Variants in STRADA observed in about 807,000 individuals in gnomAD.
STRADA encodes STE20-related kinase adapter protein alpha.
Under a neutral mutation model 55.0 loss-of-function variants are expected in STRADA, and 26 were observed. That is an observed-to-expected ratio of 0.47 (90% confidence interval 0.35 to 0.66). STRADA has a LOEUF of 0.66. Among genes scored for constraint, STRADA ranks in the 30% least tolerant of loss-of-function variants. The pLI, the probability that STRADA is intolerant of heterozygous loss-of-function variation, is 0.01. For missense variants in STRADA, 443 were observed against 549.7 expected (o/e 0.81, Z 1.94); for synonymous variants, 197 against 210.9 (o/e 0.93, Z 0.57).
At chr17:63,710,384 G>A in intron 8 of STRADA, 107 bp downstream of exon 8, 1 of 1,529,602 alleles carries the variant, frequency 6.5e-7, no homozygotes, top group Non-Finnish European at 8.9e-7. Context: ...CCAGATCCTT[G>A]ATTTTAAACT....
At chr17:63,717,425 A>G (rs1298800121) in intron 4 of STRADA, among the ~76,000 whole-genome samples, 1 of 152,098 alleles carries the variant, frequency 6.6e-6, no homozygotes, top group Non-Finnish European at 1.5e-5. Flanking sequence ...CTCCTGCCTC[A>G]GCCTTATAAG....
At chr17:63,709,853 T>C (rs992024725) in intron 8 of STRADA, among the ~76,000 whole-genome samples, 1 of 152,064 alleles carries the variant, frequency 6.6e-6, no homozygotes, top group African/African-American at 2.4e-5. Context: ...TAAGACTGAC[T>C]CTGGGGCACA....
chr17:63,707,525 T>A, intron 8 of STRADA, 107 bp from the exon 9 acceptor site: 1 of 960,850 alleles, frequency 1.0e-6, no homozygotes, highest in Non-Finnish European at 1.6e-6. Flanking sequence ...GTGCGTGTGT[T>A]ATACACGTAT....
chr17:63,721,112 G>A (rs2037283143), intron 4 of STRADA, among the ~76,000 whole-genome samples: 1 of 151,394 alleles, frequency 6.6e-6, no homozygotes, highest in Non-Finnish European at 1.5e-5. Context: ...GGTGGCTCAC[G>A]CCTGTAATCC....
chr17:63,707,174 C>A, intron 9 of STRADA, 73 bp downstream of exon 9: 1 of 1,581,284 alleles, frequency 6.3e-7, no homozygotes. Context: ...GCCCCCGACT[C>A]CAGGCAATGC....
chr17:63,729,012 A>G (rs937818114), intron 1 of STRADA, among the ~76,000 whole-genome samples: 4 of 152,028 alleles, frequency 2.6e-5, no homozygotes, highest in African/African-American at 9.7e-5. Flanking sequence ...CCCAGAAGCA[A>G]TTACCTTCAG....
At position 63,710,763 on chromosome 17, in the gene STRADA, T is replaced by C. The variant is rs534359584; in HGVS notation, c.422A>G (p.Asn141Ser). The change falls in exon 7 of 13, where the codon AAT (asparagine) becomes AGT (serine). Residue 141 changes from asparagine (N) to serine (S), a missense_variant. Transcript: ENST00000336174. ...GAATGATGTGACAACCCACAGCTCA[T>C]TGTCTGCAATAAAAGTGGCTCGATA... Reference protein sequence around the residue: ...VPYRATFIADNELWVVTSFMA... With the variant: ...VPYRATFIADSELWVVTSFMA... 10 of 1,614,212 alleles carry C rather than the reference T, an allele frequency of 6.2e-6. No homozygotes were observed. The highest frequency in any genetic ancestry group is 3.3e-4 in the Middle Eastern group (2 of 6,062).
intron 1 of STRADA, among the ~76,000 whole-genome samples, chr17:63,731,044 A>T (rs2038007793): frequency 1.3e-5 from 2 of 151,836 alleles, no homozygotes; most frequent in Middle Eastern, 3.2e-3. Context: ...CCCAGGTTCC[A>T]GCGATTCTCC....
At chr17:63,710,996 C>T in intron 6 of STRADA, 160 bp from the exon 7 acceptor site, 3 of 639,362 alleles carry the variant, frequency 4.7e-6, no homozygotes, top group South Asian at 3.9e-5. Flanking sequence ...ATAGGAAAAA[C>T]AAGGCCCTGC....
intron 10 of STRADA, chr17:63,705,826 C>T (rs2036050722): frequency 6.6e-6 from 1 of 152,430 alleles, no homozygotes; most frequent in South Asian, 2.1e-4. Flanking sequence ...CCTAGTTCCT[C>T]CTCCACACAG....
Position 63,723,410 on chromosome 17 carries a change from GACT to G in STRADA, c.95-87_95-85del, listed in dbSNP as rs1598222778. 5.2e-6 allele frequency: 8 copies of G among 1,530,450 alleles called. No homozygotes were observed. In the East Asian group the frequency reaches 1.8e-4, roughly 35 times the overall value. The allele number at this position is 1,530,450 out of a possible 1,614,324, so 94.8% of individuals were successfully genotyped here. On this transcript the variant is annotated intron_variant, in intron 3 of 12. Coordinates refer to ENST00000336174, the MANE Select transcript of STRADA (RefSeq NM_001003787.4). Reference sequence around the variant, plus strand: ...TCAGAACAGCAATTATTGTACTTAGGACTACATTTATTAATAGAAACCACTTAA... The same window carrying G: ...TCAGAACAGCAATTATTGTACTTAGGACATTTATTAATAGAAACCACTTAA...
chr17:63,704,321 GC>G lies in STRADA; in HGVS notation c.1100+19del, dbSNP rs1330801215. On this transcript the variant is annotated intron_variant, in intron 11 of 12. Coordinates refer to ENST00000336174, the MANE Select transcript of STRADA (RefSeq NM_001003787.4). ...CACCCTCTGCTCTCCCGAAGCCCAG[GC>G]CCAGGCCAGCAGGGATACCTGGCAT... is the stretch of plus-strand genomic sequence containing the variant. 6.2e-7 allele frequency: 1 copy of G among 1,611,020 alleles called. No homozygotes were observed. The highest frequency in any genetic ancestry group is 8.5e-7 in the Non-Finnish European group (1 of 1,179,358).
intron 1 of STRADA, among the ~76,000 whole-genome samples, chr17:63,740,184 A>ACACACAC (rs2038838617): frequency 7.1e-6 from 1 of 141,556 alleles, no homozygotes; most frequent in African/African-American, 2.7e-5. Flanking sequence ...ACACACACAC[A>ACACACAC]ACAAAGCAAT....
At chr17:63,724,576 TC>T (rs1032780071) in intron 3 of STRADA, among the ~76,000 whole-genome samples, 1 of 151,940 alleles carries the variant, frequency 6.6e-6, no homozygotes, top group African/African-American at 2.4e-5. Flanking sequence ...ATGCTGACTA[TC>T]TTTTTTTTGT....
rs2035830651 is a variant in STRADA, at chr17:63,703,026, A to G, written c.*573T>C. On this transcript the variant is annotated 3_prime_UTR_variant, in exon 13 of 13. Transcript: ENST00000336174. ...CACACATAAACCGTGGGAAAGACTT[A>G]GGTGTCAGGGCCCAAGCCAGAAGAG... 1 of 153,630 alleles carries G rather than the reference A, an allele frequency of 6.5e-6. No homozygotes were observed. Among genetic ancestry groups the G allele is most frequent in the Non-Finnish European group, 1.5e-5 (1 of 68,852 alleles). The allele number at this position is 153,630 out of a possible 1,614,324, so 9.5% of individuals were successfully genotyped here. A position where few individuals can be genotyped will look rare whatever the true frequency, so the allele number is the denominator to read the frequency against.
chr17:63,707,048 C>T (rs961241932), intron 9 of STRADA, among the ~76,000 whole-genome samples, 199 bp downstream of exon 9: 4 of 152,194 alleles, frequency 2.6e-5, no homozygotes, highest in Non-Finnish European at 5.9e-5. Flanking sequence ...GAAATTTCAT[C>T]CAATAGAGGT....
intron 1 of STRADA, among the ~76,000 whole-genome samples, chr17:63,736,842 C>A (rs974835680): frequency 1.5e-4 from 20 of 137,374 alleles, no homozygotes; most frequent in Non-Finnish European, 2.8e-4. Flanking sequence ...CCCCACGCCC[C>A]CCCCACCAAA....
intron 4 of STRADA, among the ~76,000 whole-genome samples, chr17:63,722,294 C>T (rs1454172445): frequency 1.3e-5 from 2 of 152,172 alleles, no homozygotes; most frequent in African/African-American, 4.8e-5. Context: ...AAACAAAATA[C>T]AGTAAAGCAC....
chr17:63,710,888 C>T (rs375678284), intron 6 of STRADA, 52 bp from the exon 7 acceptor site: 45 of 1,523,630 alleles, frequency 3.0e-5, no homozygotes, highest in Middle Eastern at 1.7e-4. Context: ...TGAAGGATGC[C>T]GCTCAACACA....
Sources: gnomAD v4.1 joint callset for allele counts (sites outside exome capture counted in the v4.1 genomes callset) on GRCh38, gnomAD v4.1.1 for gene constraint, MANE v1.5 for transcripts, NCBI Gene and HGNC (gene_info 2026-07-23, HGNC 2026-07-21) for gene names.